Variants in TNRC6A observed in about 807,000 individuals in gnomAD.
The protein encoded by TNRC6A is trinucleotide repeat containing adaptor 6A.
A neutral mutation model predicts 221.2 loss-of-function variants in TNRC6A; 44 were observed. The observed-to-expected ratio is 0.20, with a 90% CI of 0.16 to 0.26. The LOEUF is 0.26. Among genes scored for constraint, TNRC6A ranks in the 10% least tolerant of loss-of-function variants. The pLI is 1.00. For synonymous variants in TNRC6A, 847 were observed against 838.5 expected (o/e 1.01, Z -0.18); for missense variants, 2,199 against 2,404.4 (o/e 0.91, Z 1.79).
chr16:24,629,146 A>G (rs79303443), intron 1 of TNRC6A, among the ~76,000 whole-genome samples: 14,582 of 152,044 alleles, frequency 0.096, 957 homozygotes, highest in Non-Finnish European at 0.14. Context: ...TATATTTTTT[A>G]TTTGTTCTTG....
chr16:24,659,399 C>T (rs979376780), intron 2 of TNRC6A, among the ~76,000 whole-genome samples: 1 of 152,026 alleles, frequency 6.6e-6, no homozygotes, highest in African/African-American at 2.4e-5. Context: ...TGTCTCTCTC[C>T]TCGTGCCCTC....
At chr16:24,642,297 G>A (rs1901990762) in intron 2 of TNRC6A, among the ~76,000 whole-genome samples, 1 of 152,212 alleles carries the variant, frequency 6.6e-6, no homozygotes, top group Admixed American at 6.5e-5. Context: ...TGGGGAGAAA[G>A]CCATGGAAAA....
At chr16:24,781,269 G>A (rs1370081057) in intron 5 of TNRC6A, among the ~76,000 whole-genome samples, 1 of 151,728 alleles carries the variant, frequency 6.6e-6, no homozygotes, top group Non-Finnish European at 1.5e-5. Flanking sequence ...ATGTTGCCTA[G>A]GCCAGTCTTG....
rs564720711 is a variant in TNRC6A at position 24,718,238 on chromosome 16, G to A, written n.403-32488G>A. Among the ~76,000 whole-genome samples the A allele has an allele frequency of 3.6e-4, 55 of 152,312 alleles. 1 individual carries two copies. The highest frequency in any genetic ancestry group is 1.3e-3 in the African/African-American group (55 of 41,564). ...CTGGATAAAATGAGTTATCTCACGA[G>A]AGCATGTGAGATTCCAGCCCTAAAT... On this transcript the variant is annotated intron_variant and non_coding_transcript_variant, in intron 2 of 2. Coordinates refer to the TNRC6A transcript ENST00000566108.
chr16:24,722,124 T>C (rs982441752), intron 2 of TNRC6A, among the ~76,000 whole-genome samples: 2 of 152,138 alleles, frequency 1.3e-5, no homozygotes, highest in Non-Finnish European at 1.5e-5. Flanking sequence ...ATGCATTACA[T>C]TTTTCACTTT....
intron 2 of TNRC6A, among the ~76,000 whole-genome samples, chr16:24,688,827 A>C (rs1230437115): frequency 6.6e-6 from 1 of 152,108 alleles, no homozygotes; most frequent in Non-Finnish European, 1.5e-5. Context: ...TCAGACTTGA[A>C]CTCTATTCAG....
rs1357750787 is a variant in TNRC6A at position 24,816,971 on chromosome 16, C to T, written c.4972+15C>T. ...CAGGAACAGTGGTACGTAGGGGGTG[C>T]AAATCAATTTCTGAGTGACACTTAA... On this transcript the variant is annotated intron_variant, in intron 20 of 24. Coordinates refer to ENST00000395799, the MANE Select transcript of TNRC6A (RefSeq NM_014494.4). 1.4e-5 allele frequency: 22 copies of T among 1,605,900 alleles called. No homozygotes were observed. Among genetic ancestry groups the T allele is most frequent in the Non-Finnish European group, 1.7e-5 (20 of 1,176,792 alleles).
chr16:24,809,515 AAAAC>A, intron 18 of TNRC6A, 34 bp downstream of exon 18: 2 of 1,514,900 alleles, frequency 1.3e-6, no homozygotes, highest in African/African-American at 1.4e-5. Flanking sequence ...AAAAAAAAAA[AAAAC>A]ACACACACCT....
chr16:24,793,681 T>A, intron 7 of TNRC6A, 32 bp downstream of exon 7: 1 of 1,376,550 alleles, frequency 7.3e-7, no homozygotes, highest in Non-Finnish European at 9.5e-7. Flanking sequence ...GTAGCTGTTA[T>A]GTAGCAGTGG....
chr16:24,799,996 A>G (rs565152944), intron 11 of TNRC6A, among the ~76,000 whole-genome samples: 3 of 152,296 alleles, frequency 2.0e-5, no homozygotes, highest in African/African-American at 7.2e-5. Context: ...TACCCCAGCC[A>G]GTAGACTAGT....
chr16:24,671,050 C>T (rs1262734383), intron 2 of TNRC6A: 2 of 372,346 alleles, frequency 5.4e-6, no homozygotes, highest in Admixed American at 2.8e-5. Context: ...CCCAGCAACC[C>T]TCCGACAGCA....
chr16:24,801,692 G>A (rs978725963), intron 11 of TNRC6A, among the ~76,000 whole-genome samples: 2 of 152,164 alleles, frequency 1.3e-5, no homozygotes, highest in African/African-American at 4.8e-5. Context: ...GTTTCACCGT[G>A]TTGGCCAAAC....
intron 5 of TNRC6A, 36 bp downstream of exon 5, chr16:24,777,394 A>G: frequency 6.3e-7 from 1 of 1,577,572 alleles, no homozygotes; most frequent in Non-Finnish European, 8.6e-7. Context: ...CTCACACCTT[A>G]TCATCATTAG....
At chr16:24,689,216 A>G (rs1017225518) in intron 2 of TNRC6A, among the ~76,000 whole-genome samples, 2 of 152,226 alleles carry the variant, frequency 1.3e-5, no homozygotes, top group African/African-American at 4.8e-5. Context: ...CCACTTGGAG[A>G]TACTAACCAT....
At chr16:24,649,005 G>C (rs184584070) in intron 2 of TNRC6A, among the ~76,000 whole-genome samples, 1 of 152,128 alleles carries the variant, frequency 6.6e-6, no homozygotes, top group Admixed American at 6.6e-5. Flanking sequence ...AGCAGGCCGG[G>C]TGCGGTGGCT....
At chr16:24,788,646 T>G (rs1007761859) in intron 5 of TNRC6A, among the ~76,000 whole-genome samples, 2 of 120,314 alleles carry the variant, frequency 1.7e-5, no homozygotes, top group Admixed American at 1.0e-4. Context: ...GACTCCAAAA[T>G]TCTTTTTTTT....
Position 24,664,989 on chromosome 16 carries a change from ACATCAGAGGGG to A in TNRC6A, n.402+23983_402+23993del, listed in dbSNP as rs1241529147. The A allele has an allele frequency of 6.6e-6, 3 of 456,340 alleles. No individual in the cohort carries two copies. The East Asian group carries it at 2.1e-4, about 32-fold the overall frequency. The allele number at this position is 456,340 out of a possible 1,614,324, so 28.3% of individuals were successfully genotyped here. ...ACGGGATGGTTGCAGCCAGATTCTA[ACATCAGAGGGG>A]CAGGATTTGAAGTGGAGAGGCTGAT... On this transcript the variant is annotated intron_variant and non_coding_transcript_variant, in intron 2 of 2. Transcript: ENST00000566108.
intron 2 of TNRC6A, among the ~76,000 whole-genome samples, chr16:24,685,023 C>T (rs1295744033): frequency 6.6e-6 from 1 of 152,124 alleles, no homozygotes; most frequent in Non-Finnish European, 1.5e-5. Context: ...GGAACTTCAG[C>T]CCCTCTGGCC....
At chr16:24,666,472 A>C (rs1414969423) in intron 2 of TNRC6A, among the ~76,000 whole-genome samples, 2 of 60,048 alleles carry the variant, frequency 3.3e-5, no homozygotes, top group African/African-American at 7.1e-5. Flanking sequence ...ACTCCGTCTC[A>C]AAAAAAAAAA....
Sources: gnomAD v4.1 joint callset for allele counts (sites outside exome capture counted in the v4.1 genomes callset) on GRCh38, gnomAD v4.1.1 for gene constraint, MANE v1.5 for transcripts, NCBI Gene and HGNC (gene_info 2026-07-23, HGNC 2026-07-21) for gene names.